CROCC: variants seen among roughly 807,000 people sequenced by gnomAD.
CROCC encodes the protein ciliary rootlet coiled-coil, rootletin, also known as rootletin.
CROCC carries 180 observed loss-of-function variants against 245.2 expected under a neutral mutation model. The ratio of observed to expected loss-of-function variants is 0.73; its 90% CI spans 0.65 to 0.83. CROCC has a LOEUF of 0.83. CROCC is among the 40% of genes least tolerant of loss of function. The pLI is 0.00. For missense variants in CROCC, 2,688 were observed against 2,779.4 expected, an observed-to-expected ratio of 0.97 and a Z score of 0.74; for synonymous variants, 1,205 against 1,241.6, an observed-to-expected ratio of 0.97 and a Z score of 0.62.
At chr1:16,964,111 TTTTTC>T (rs146533863) in intron 27 of CROCC, among the ~76,000 whole-genome samples, 51,341 of 148,222 alleles carry the variant, frequency 0.35, 9,811 homozygotes, top group Non-Finnish European at 0.44. Flanking sequence ...CACTTTTTTC[TTTTTC>T]TTTTCTTTTC....
chr1:16,958,472 T>G, intron 25 of CROCC, 111 bp from the exon 26 acceptor site: 1 of 1,277,402 alleles, frequency 7.8e-7, no homozygotes, highest in Non-Finnish European at 1.1e-6. Flanking sequence ...GGATGTGGGG[T>G]GGTATTTGAT....
chr1:16,968,147 C>T (rs781563510), intron 30 of CROCC, 56 bp from the exon 31 acceptor site: 17 of 1,511,210 alleles, frequency 1.1e-5, no homozygotes, highest in Admixed American at 3.9e-5. Flanking sequence ...AGGGCGTGTG[C>T]GGGAGGGCTG....
intron 26 of CROCC, among the ~76,000 whole-genome samples, chr1:16,959,276 G>A (rs913526677): frequency 9.9e-5 from 15 of 151,994 alleles, no homozygotes; most frequent in African/African-American, 2.7e-4. Flanking sequence ...CACCTGCCTC[G>A]GCCTCCCAAA....
intron 12 of CROCC, 41 bp downstream of exon 12, chr1:16,939,183 T>C: frequency 8.1e-7 from 1 of 1,232,102 alleles, no homozygotes; most frequent in Non-Finnish European, 1.1e-6. Flanking sequence ...GCCAGAGGCC[T>C]GGGGGAGGGG....
intron 31 of CROCC, chr1:16,968,894 T>C: frequency 1.6e-6 from 1 of 632,270 alleles, no homozygotes; most frequent in Non-Finnish European, 2.8e-6. Context: ...ACTAGGTTGA[T>C]GGCACTCTGG....
At chr1:16,943,561 C>T (rs531960558) in intron 13 of CROCC, among the ~76,000 whole-genome samples, 2 of 152,068 alleles carry the variant, frequency 1.3e-5, no homozygotes, top group African/African-American at 4.8e-5. Flanking sequence ...AAAACAAAAT[C>T]ACGCTGTGAA....
At position 16,965,714 on chromosome 1, in the gene CROCC, C is replaced by T. The variant is rs1444534983; in HGVS notation, c.4406-9C>T. On this transcript the variant is annotated splice_polypyrimidine_tract_variant and intron_variant, in intron 27 of 36. Transcript: ENST00000375541. ...CTGCATCACTGAGCAAGTCTTCTTT[C>T]TCTTCTAGGAAGCGGGGAAGGGCTC... The T allele has an allele frequency of 1.9e-6, 3 of 1,591,732 alleles. No individual in the cohort carries two copies. The Admixed American group carries it at 5.0e-5, about 27-fold the overall frequency.
rs1422164190 is a variant in CROCC, at chr1:16,930,596, T to G, written c.849+2T>G. 1.2e-6 allele frequency: 2 copies of G among 1,606,200 alleles called. No homozygotes were observed. The highest frequency in any genetic ancestry group is 3.4e-5 in the Admixed American group (2 of 59,108). On this transcript the variant is annotated splice_donor_variant, in intron 7 of 36. Transcript: ENST00000375541. LOFTEE classifies it high-confidence loss of function. ...GCGGCGTGGAGGCGCGAGGAGGAGG[T>G]GGGCATGGGGGTGCAGGGAGGCCAG...
At chr1:16,932,503 G>C (rs1441062329) in intron 8 of CROCC, among the ~76,000 whole-genome samples, 1 of 152,242 alleles carries the variant, frequency 6.6e-6, no homozygotes, top group Non-Finnish European at 1.5e-5. Context: ...ACGTGGAACA[G>C]AGGGAATGTC....
Position 16,936,533 on chromosome 1 carries a change from T to A in CROCC, c.957-104T>A, listed in dbSNP as rs1156449055. ...ATCTGCCCGCCTTGGCCTCCTGAAG[T>A]GCTGGGATTATAGGTGTGAGCCACC... On this transcript the variant is annotated intron_variant, in intron 8 of 36. Transcript: ENST00000375541. 7.4e-6 allele frequency: 9 copies of A among 1,214,150 alleles called. No individual in the cohort carries two copies. In the African/African-American group the frequency reaches 1.0e-4, roughly 14 times the overall value. 75.2% of individuals were successfully genotyped at this position (1,214,150 alleles called of 1,614,324 possible).
intron 14 of CROCC, among the ~76,000 whole-genome samples, 192 bp downstream of exon 14, chr1:16,944,474 A>G (rs530214327): frequency 8.5e-5 from 13 of 152,420 alleles, no homozygotes; most frequent in East Asian, 5.8e-4. Context: ...ACTTACCTGG[A>G]GTCAGAGAAC....
chr1:16,918,734 T>TTTCG (rs1470245574), upstream of CROCC, among the ~76,000 whole-genome samples: 1 of 47,082 alleles, frequency 2.1e-5, no homozygotes, highest in Non-Finnish European at 5.1e-5. Context: ...CGGTTTAGTT[T>TTTCG]TTTGTTTTTG....
In CROCC at chr1:16,954,765, G is replaced by A. The variant is rs752351056; in HGVS notation, c.3353G>A (p.Arg1118Gln). The A allele has an allele frequency of 3.0e-5, 47 of 1,555,030 alleles. No homozygotes were observed. Among genetic ancestry groups the A allele is most frequent in the Admixed American group, 5.8e-5 (3 of 51,766 alleles). Residue 1118 changes from arginine to glutamine, a missense_variant, in exon 23 of 37, where the codon CGG (arginine) becomes CAG (glutamine). Transcript: ENST00000375541. This position sits in a 1 kb window ranked among gnomAD's most constrained non-coding sequence, Gnocchi z 4.4. ...STVNALTSEL[R>Q]DLRAQREEAA... is the part of the protein sequence containing the mutation. ...GTGAACGCTCTGACGTCTGAGCTGCGGGACCTACGGGCCCAGCGGGAGGAG... is the reference window on the plus strand; with the variant it reads ...GTGAACGCTCTGACGTCTGAGCTGCAGGACCTACGGGCCCAGCGGGAGGAG...
Position 16,955,449 on chromosome 1 carries a change from G to A in CROCC, c.3603G>A (p.Leu1201=). The A allele has an allele frequency of 1.3e-6, 2 of 1,595,376 alleles. No homozygotes were observed. Among genetic ancestry groups the A allele is most frequent in the Non-Finnish European group, 1.7e-6 (2 of 1,174,112 alleles). The change falls in exon 24 of 37, where the codon CTG becomes CTA. Residue 1201 remains leucine (L), a synonymous_variant. Transcript: ENST00000375541. ...TGCAGCGCCAGGAGGCAGGCGAGCT[G>A]CGACGCAGCCTGGGCGAGGGTGCCA... ...REVQRQEAGE[L]RRSLGEGAKE...
intron 13 of CROCC, chr1:16,941,432 A>T (rs11203461): frequency 0.21 from 31,489 of 146,696 alleles, no homozygotes; most frequent in East Asian, 0.4. Context: ...CTCAAAAAAA[A>T]AATAATAATA....
chr1:16,968,224 G>T lies in CROCC; in HGVS notation c.4882G>T (p.Ala1628Ser). 6.4e-7 allele frequency: 1 copy of T among 1,566,762 alleles called. No homozygotes were observed. Among genetic ancestry groups the T allele is most frequent in the Non-Finnish European group, 8.6e-7 (1 of 1,157,204 alleles). The part of the protein sequence containing the change: ...ASQEKISKMK[A>S]NETKLEGDKR... ...GCAGGAGAAGATCAGCAAGATGAAG[G>T]CCAATGAGACAAAGCTGGAGGGCGA... is the stretch of plus-strand genomic sequence containing the variant. Residue 1628 changes from alanine to serine, a missense_variant, in exon 31 of 37, where the codon GCC becomes TCC. Coordinates refer to ENST00000375541, the MANE Select transcript of CROCC (RefSeq NM_014675.5).
rs1453935992 is a variant in CROCC at position 16,971,473 on chromosome 1, G to T, written c.5793G>T (p.Val1931=). The T allele has an allele frequency of 1.3e-6, 2 of 1,534,804 alleles. No homozygotes were observed. The highest frequency in any genetic ancestry group is 2.4e-5 in the South Asian group (2 of 83,858). Residue 1931 remains valine (V), a synonymous_variant, in exon 36 of 37, where the codon GTG becomes GTT. Transcript: ENST00000375541. ...QRQIQQLEAQ[V]VVLEQSHSPA... is the part of the protein sequence containing the mutation. ...ACAGCCCCTCCCTGCAGGCGCAGGTGGTGGTGCTGGAGCAGAGCCACAGCC... is the reference window on the plus strand; with the variant it reads ...ACAGCCCCTCCCTGCAGGCGCAGGTTGTGGTGCTGGAGCAGAGCCACAGCC...
chr1:16,961,057 C>T lies in CROCC; in HGVS notation c.4332C>T (p.Leu1444=). ...GGLRSALRRG[L]GLGRAPSPAP... ...TGCGCTCGGCTCTGCGCCGGGGCCT[C>T]GGCCTCGGTCGCGCGCCCAGCCCAG... The change falls in exon 27 of 37, where the codon CTC becomes CTT. Residue 1444 remains leucine (L), a synonymous_variant. Transcript: ENST00000375541. 2.2e-6 allele frequency: 3 copies of T among 1,334,878 alleles called. No homozygotes were observed. The highest frequency in any genetic ancestry group is 2.9e-4 in the Middle Eastern group (1 of 3,502). The allele number at this position is 1,334,878 out of a possible 1,614,324, so 82.7% of individuals were successfully genotyped here. A position where few individuals can be genotyped will look rare whatever the true frequency, so the allele number is the denominator to read the frequency against.
intron 31 of CROCC, 110 bp downstream of exon 31, chr1:16,968,528 C>G: frequency 9.1e-7 from 1 of 1,096,976 alleles, no homozygotes; most frequent in Non-Finnish European, 1.2e-6. Context: ...TTACCCACAT[C>G]CCCATTTCAC....
Sources: gnomAD v4.1 joint callset for allele counts (sites outside exome capture counted in the v4.1 genomes callset) on GRCh38, gnomAD v4.1.1 for gene constraint, Gnocchi (gnomAD v3.1) non-coding constraint, MANE v1.5 for transcripts, NCBI Gene and HGNC (gene_info 2026-07-23, HGNC 2026-07-21) for gene names.